The following SPHKAP variants were observed in gnomAD, a reference collection of about 807,000 sequenced individuals.
SPHKAP encodes the protein A-kinase anchor protein SPHKAP.
In SPHKAP, 67 loss-of-function variants were observed where a neutral mutation model predicts 137.5. The ratio of observed to expected loss-of-function variants is 0.49; its 90% CI spans 0.40 to 0.60. The LOEUF is 0.60. SPHKAP is among the 20% of genes least tolerant of loss of function. The pLI is 0.00. For missense variants in SPHKAP, 2,097 were observed against 2,069.3 expected (o/e 1.01, Z -0.26); for synonymous variants, 813 against 785.3 (o/e 1.04, Z -0.59).
In SPHKAP at chr2:228,017,317, G is replaced by A. The variant is rs772360183; in HGVS notation, c.3537C>T (p.Ser1179=). 1.2e-6 allele frequency: 2 copies of A among 1,613,960 alleles called. No homozygotes were observed. Among genetic ancestry groups the A allele is most frequent in the South Asian group, 2.2e-5 (2 of 91,066 alleles). Residue 1179 remains serine, a synonymous_variant, in exon 7 of 12, where the codon AGC becomes AGT. Coordinates refer to ENST00000392056, the MANE Select transcript of SPHKAP (RefSeq NM_001142644.2). ...CTGTGCTGGACTGCTTAGAGGGACA[G>A]CTAGGCCTCACACTGAGGTGGTCAC... ...RKSDHLSVRP[S]CPSKQSSTES...
At chr2:228,168,280 T>C (rs193177796) in intron 1 of SPHKAP, among the ~76,000 whole-genome samples, 7 of 152,300 alleles carry the variant, frequency 4.6e-5, no homozygotes, top group Admixed American at 4.6e-4. Flanking sequence ...GATTTAATAA[T>C]GGATATAGAC....
intron 1 of SPHKAP, among the ~76,000 whole-genome samples, chr2:228,171,240 T>C (rs1559213615): frequency 6.6e-6 from 1 of 152,194 alleles, no homozygotes; most frequent in Non-Finnish European, 1.5e-5. Flanking sequence ...ATCTGTTGCA[T>C]ATCATTTTAT....
Position 228,001,262 on chromosome 2 carries a change from C to CAT in SPHKAP, c.4449-5570_4449-5569dup, listed in dbSNP as rs55966167. 9.9e-3 allele frequency among the ~76,000 whole-genome samples: 1,404 copies of CAT among 142,130 alleles called. 5 individuals are homozygous for CAT. The highest frequency in any genetic ancestry group is 0.016 in the African/African-American group (619 of 38,892). 93.2% of individuals were successfully genotyped at this position (142,130 alleles called of 152,430 possible). A position where few individuals can be genotyped will look rare whatever the true frequency, so the allele number is the denominator to read the frequency against. The stretch of plus-strand genomic sequence containing the variant: ...ATATATATATATACACACACACACA[C>CAT]ATATATAAATATATCTATACATATA... On this transcript the variant is annotated intron_variant, in intron 7 of 11. Coordinates refer to ENST00000392056, the MANE Select transcript of SPHKAP (RefSeq NM_001142644.2).
At chr2:228,141,133 G>T (rs1261577628) in intron 1 of SPHKAP, among the ~76,000 whole-genome samples, 2 of 152,152 alleles carry the variant, frequency 1.3e-5, no homozygotes, top group Non-Finnish European at 2.9e-5. Flanking sequence ...TTGCTTCTGT[G>T]ACCGTGTCAT....
At chr2:228,127,484 A>G (rs943052431) in intron 2 of SPHKAP, among the ~76,000 whole-genome samples, 1 of 152,188 alleles carries the variant, frequency 6.6e-6, no homozygotes, top group Admixed American at 6.5e-5. Context: ...TGTCTTTTAA[A>G]TGCAATTATT....
chr2:228,021,793 A>G lies in SPHKAP; in HGVS notation c.615T>C (p.Cys205=). ...AGTCTTCCTCGATTGAAGATAAGGA[A>G]CAGTTCGTGTCATCCTCCAGTTTCA... ...NILKLEDDTN[C]SLSSIEEDFL... is the part of the protein sequence containing the mutation. Residue 205 remains cysteine, a synonymous_variant, in exon 6 of 12, where the codon TGT becomes TGC. Transcript: ENST00000392056. 6.2e-7 allele frequency: 1 copy of G among 1,614,180 alleles called. No homozygotes were observed. Among genetic ancestry groups the G allele is most frequent in the South Asian group, 1.1e-5 (1 of 91,084 alleles).
chr2:228,156,413 GT>G (rs903945585), intron 1 of SPHKAP, among the ~76,000 whole-genome samples: 4 of 152,074 alleles, frequency 2.6e-5, no homozygotes, highest in South Asian at 2.1e-4. Flanking sequence ...ATTTTCTAAG[GT>G]AAAGTCTTCT....
intron 3 of SPHKAP, among the ~76,000 whole-genome samples, chr2:228,060,033 T>C (rs569842315): frequency 1.4e-3 from 206 of 152,294 alleles, no homozygotes; most frequent in Admixed American, 4.6e-3. Context: ...GGCCACAAAA[T>C]CAACAAACAG....
chr2:228,019,468 G>A lies in SPHKAP; in HGVS notation c.1386C>T (p.Ala462=). 3.7e-6 allele frequency: 6 copies of A among 1,614,088 alleles called. No homozygotes were observed. The highest frequency in any genetic ancestry group is 5.1e-6 in the Non-Finnish European group (6 of 1,180,002). The part of the protein sequence containing the change: ...VVQSPDGSDA[A]PQPGISSWPE... ...GCCAGGAGGAGATGCCTGGCTGTGG[G>A]GCAGCATCACTGCCATCTGGACTCT... The change falls in exon 7 of 12, where the codon GCC becomes GCT. Residue 462 remains alanine, a synonymous_variant. Transcript: ENST00000392056.
chr2:228,032,369 T>C (rs1695368212), intron 3 of SPHKAP, among the ~76,000 whole-genome samples: 1 of 152,022 alleles, frequency 6.6e-6, no homozygotes. Context: ...CTCCAAGAAA[T>C]ATGGCATTAT....
intron 1 of SPHKAP, among the ~76,000 whole-genome samples, chr2:228,164,643 A>G (rs1200332418): frequency 6.6e-6 from 1 of 152,144 alleles, no homozygotes; most frequent in Admixed American, 6.5e-5. Flanking sequence ...TAGGAGGAAT[A>G]CCCAATGGTC....
chr2:228,154,518 A>C (rs1299495222), intron 1 of SPHKAP, among the ~76,000 whole-genome samples: 23 of 25,962 alleles, frequency 8.9e-4, no homozygotes, highest in Non-Finnish European at 1.2e-3. Flanking sequence ...CTCTCTATAT[A>C]TATATATATA....
intron 1 of SPHKAP, among the ~76,000 whole-genome samples, chr2:228,155,080 T>G: frequency 6.6e-6 from 1 of 152,246 alleles, no homozygotes; most frequent in African/African-American, 2.4e-5. Context: ...TCACTGAAAG[T>G]TTTCTTATTT....
chr2:228,158,305 G>A (rs2106409288), intron 1 of SPHKAP, among the ~76,000 whole-genome samples: 1 of 143,130 alleles, frequency 7.0e-6, no homozygotes, highest in Admixed American at 7.2e-5. Context: ...TAAGATAATT[G>A]TAATTGTAAT....
intron 1 of SPHKAP, among the ~76,000 whole-genome samples, chr2:228,169,239 A>G (rs1056588741): frequency 2.6e-5 from 4 of 152,232 alleles, no homozygotes; most frequent in Non-Finnish European, 4.4e-5. Context: ...TCAATAAACA[A>G]CAGATTTTCA....
In SPHKAP at chr2:228,073,841, T is replaced by C. The variant is rs116878342; in HGVS notation, c.246+34991A>G. 6.5e-3 allele frequency among the ~76,000 whole-genome samples: 990 copies of C among 151,696 alleles called. 34 individuals carry two copies. Among genetic ancestry groups the C allele is most frequent in the Admixed American group, 0.056 (856 of 15,240 alleles). The stretch of plus-strand genomic sequence containing the variant: ...CAAGTGATTTTGATTATGTTACATT[T>C]ACTTCTATCATCATTTAACATCTTT... On this transcript the variant is annotated intron_variant, in intron 3 of 11. Transcript: ENST00000392056.
chr2:228,023,619 C>T (rs1047888348), intron 5 of SPHKAP, among the ~76,000 whole-genome samples: 5 of 152,052 alleles, frequency 3.3e-5, no homozygotes, highest in Admixed American at 6.6e-5. Flanking sequence ...CAGTATTTTC[C>T]GAGTGCCTAT....
chr2:228,148,735 G>A lies in SPHKAP; in HGVS notation c.33-16650C>T, dbSNP rs116404957. ...GTTTGGTTCAACTACCCACATGGCTGACGGAGAGGACCACACCCACAATAA... is the reference window on the plus strand; with the variant it reads ...GTTTGGTTCAACTACCCACATGGCTAACGGAGAGGACCACACCCACAATAA... On this transcript the variant is annotated intron_variant, in intron 1 of 11. Transcript: ENST00000392056. Among the ~76,000 whole-genome samples the A allele has an allele frequency of 7.6e-3, 1,158 of 152,250 alleles. 18 individuals carry two copies. The highest frequency in any genetic ancestry group is 0.027 in the African/African-American group (1,111 of 41,542).
intron 3 of SPHKAP, among the ~76,000 whole-genome samples, chr2:228,051,725 T>C (rs548674684): frequency 2.0e-5 from 3 of 152,332 alleles, no homozygotes; most frequent in South Asian, 2.1e-4. Context: ...CACTGGAAAA[T>C]ATTTAAATAA....
Sources: gnomAD v4.1 joint callset for allele counts (sites outside exome capture counted in the v4.1 genomes callset) on GRCh38, gnomAD v4.1.1 for gene constraint, MANE v1.5 for transcripts, NCBI Gene and HGNC (gene_info 2026-07-23, HGNC 2026-07-21) for gene names.